Variants in DGKD observed in about 807,000 individuals in gnomAD.
DGKD encodes DAG kinase delta.
In DGKD, 68 loss-of-function variants were observed where a neutral mutation model predicts 154.4. That is an observed-to-expected ratio of 0.44 (90% confidence interval 0.36 to 0.54). The LOEUF is 0.54. Ranked by LOEUF, DGKD falls within the 20% of genes least tolerant of loss-of-function variation. The pLI is 0.00. For missense variants in DGKD, 1,343 were observed against 1,593.6 expected, an observed-to-expected ratio of 0.84 and a Z score of 2.68; for synonymous variants, 693 against 638.0, an observed-to-expected ratio of 1.09 and a Z score of -1.30.
rs2063331902 is a variant in DGKD at position 233,452,663 on chromosome 2, C to T, written c.2264+603C>T. On this transcript the variant is annotated intron_variant, in intron 18 of 29. Transcript: ENST00000264057. This position sits in a 1 kb window ranked among gnomAD's most constrained non-coding sequence, Gnocchi z 4.0. ...CTCCTTGGGGGACAAGGCCTTCTTCCTCTGCTGGCCTGTAAGGCAGTGAGG... is the reference window on the plus strand; with the variant it reads ...CTCCTTGGGGGACAAGGCCTTCTTCTTCTGCTGGCCTGTAAGGCAGTGAGG... Among the ~76,000 whole-genome samples, 1 of 152,208 alleles carries T rather than the reference C, an allele frequency of 6.6e-6. No individual in the cohort carries two copies. Among genetic ancestry groups the T allele is most frequent in the South Asian group, 2.1e-4 (1 of 4,834 alleles).
chr2:233,463,971 C>G (rs1432938235), intron 26 of DGKD, 193 bp from the exon 27 acceptor site: 2 of 665,824 alleles, frequency 3.0e-6, no homozygotes, highest in Non-Finnish European at 5.0e-6. Context: ...GTTTTATTCT[C>G]TCACCAGCAC....
At chr2:233,434,255 C>A in intron 3 of DGKD, 125 bp from the exon 4 acceptor site, 1 of 670,416 alleles carries the variant, frequency 1.5e-6, no homozygotes, top group Non-Finnish European at 2.5e-6. Context: ...GTTTTCGGTT[C>A]AGTGTGAATA....
chr2:233,373,816 C>T (rs1455770361), intron 1 of DGKD, among the ~76,000 whole-genome samples: 3 of 134,862 alleles, frequency 2.2e-5, no homozygotes, highest in Admixed American at 7.5e-5. Context: ...CTGTTTGATG[C>T]GTGCAATGTT....
chr2:233,395,046 T>A (rs1703917403), intron 3 of DGKD, among the ~76,000 whole-genome samples: 2 of 152,180 alleles, frequency 1.3e-5, no homozygotes, highest in African/African-American at 4.8e-5. Context: ...ATCTGTCTTA[T>A]TTTAGTCAGA....
intron 3 of DGKD, among the ~76,000 whole-genome samples, chr2:233,411,100 G>A (rs552771284): frequency 6.6e-6 from 1 of 152,094 alleles, no homozygotes; most frequent in South Asian, 2.1e-4. Flanking sequence ...TTCTATTGGT[G>A]GGCATTTAGG....
chr2:233,461,263 CCTTT>C lies in DGKD; in HGVS notation c.2981+922_2981+925del, dbSNP rs2063631482. Among the ~76,000 whole-genome samples, 3 of 152,346 alleles carry C rather than the reference CCTTT, an allele frequency of 2.0e-5. No homozygotes were observed. The South Asian group carries it at 6.2e-4, about 32-fold the overall frequency. On this transcript the variant is annotated intron_variant, in intron 24 of 29. Transcript: ENST00000264057. ...GCACGCTGGCTGGTGCCCTGGTGTC[CCTTT>C]CTTGTTTCCCCTGGGCTCCTTCTTC...
chr2:233,434,928 C>G, intron 5 of DGKD, 27 bp downstream of exon 5: 7 of 1,593,914 alleles, frequency 4.4e-6, no homozygotes, highest in Non-Finnish European at 6.0e-6. Context: ...GTTATTCTGT[C>G]AGGAAAGGTG....
chr2:233,463,277 C>T (rs952232799), intron 26 of DGKD, among the ~76,000 whole-genome samples: 7 of 152,026 alleles, frequency 4.6e-5, no homozygotes, highest in African/African-American at 9.7e-5. Flanking sequence ...TCACTGCACG[C>T]GTCTCCTCAC....
intron 3 of DGKD, among the ~76,000 whole-genome samples, chr2:233,427,585 A>C (rs1408148861): frequency 6.6e-6 from 1 of 151,616 alleles, no homozygotes; most frequent in African/African-American, 2.4e-5. Flanking sequence ...CAAGTGATCT[A>C]CCTGCCTCGG....
At chr2:233,414,494 T>C (rs1287964332) in intron 3 of DGKD, among the ~76,000 whole-genome samples, 1 of 152,134 alleles carries the variant, frequency 6.6e-6, no homozygotes, top group Non-Finnish European at 1.5e-5. Flanking sequence ...AGGCACTCCA[T>C]CCCTCCCTCC....
chr2:233,458,418 G>GC lies in DGKD; in HGVS notation c.2694+21_2694+22insC, dbSNP rs1363941874. On this transcript the variant is annotated intron_variant, in intron 22 of 29. Coordinates refer to ENST00000264057, the MANE Select transcript of DGKD (RefSeq NM_152879.3). The surrounding 1 kb of genome is among the most constrained non-coding windows in gnomAD (Gnocchi z 6.6). The stretch of plus-strand genomic sequence containing the variant: ...CCCAGGTAGTGGCCATGGTCCTGGG[G>GC]TGTCTGGCCGAGTCCCCAGCCCGGA... 1 of 1,573,782 alleles carries GC rather than the reference G, an allele frequency of 6.4e-7. No individual in the cohort carries two copies.
At chr2:233,371,667 T>C (rs1702330381) in intron 1 of DGKD, among the ~76,000 whole-genome samples, 1 of 152,246 alleles carries the variant, frequency 6.6e-6, no homozygotes, top group African/African-American at 2.4e-5. Flanking sequence ...TTTCAGCTAT[T>C]ATTAATATAT....
intron 1 of DGKD, among the ~76,000 whole-genome samples, chr2:233,372,500 T>C (rs1336962454): frequency 6.6e-6 from 1 of 152,190 alleles, no homozygotes; most frequent in East Asian, 1.9e-4. Flanking sequence ...GAGAAGTTGT[T>C]CTCTATCTCC....
At chr2:233,417,875 G>A (rs1325456157) in intron 3 of DGKD, among the ~76,000 whole-genome samples, 1 of 152,076 alleles carries the variant, frequency 6.6e-6, no homozygotes, top group Non-Finnish European at 1.5e-5. Flanking sequence ...ACACCTAGTT[G>A]GTAAAGTCCA....
intron 29 of DGKD, 105 bp from the exon 30 acceptor site, chr2:233,469,266 G>C (rs748777749): frequency 2.4e-4 from 225 of 944,732 alleles, no homozygotes; most frequent in Non-Finnish European, 3.5e-4. Context: ...GCTCTCATTT[G>C]TGTTCACAAG....
intron 1 of DGKD, among the ~76,000 whole-genome samples, chr2:233,364,000 A>G (rs578216463): frequency 6.6e-6 from 1 of 152,322 alleles, no homozygotes; most frequent in East Asian, 1.9e-4. Context: ...AAAACCATAG[A>G]TGAAGAGAAA....
intron 3 of DGKD, among the ~76,000 whole-genome samples, chr2:233,403,354 G>A (rs967031060): frequency 2.0e-5 from 3 of 152,206 alleles, no homozygotes; most frequent in African/African-American, 7.2e-5. Context: ...GAGGTCAGGA[G>A]TTCAAGACCA....
intron 3 of DGKD, among the ~76,000 whole-genome samples, chr2:233,433,845 A>G (rs1225630897): frequency 6.6e-6 from 1 of 152,082 alleles, no homozygotes; most frequent in African/African-American, 2.4e-5. Context: ...TATCATTTTC[A>G]TTTGTTGATT....
intron 29 of DGKD, among the ~76,000 whole-genome samples, chr2:233,468,964 G>A (rs921759163): frequency 1.3e-5 from 2 of 152,206 alleles, no homozygotes; most frequent in African/African-American, 2.4e-5. Flanking sequence ...CAGGCCTCAC[G>A]CCACATCTTG....
Sources: gnomAD v4.1 joint callset for allele counts (sites outside exome capture counted in the v4.1 genomes callset) on GRCh38, gnomAD v4.1.1 for gene constraint, Gnocchi (gnomAD v3.1) non-coding constraint, MANE v1.5 for transcripts, NCBI Gene and HGNC (gene_info 2026-07-23, HGNC 2026-07-21) for gene names.